The following OR56A3 variants were observed in gnomAD, a reference collection of about 807,000 sequenced individuals.
The protein encoded by OR56A3 is olfactory receptor 56A3.
A neutral mutation model predicts 17.5 loss-of-function variants in OR56A3; 23 were observed. The observed-to-expected ratio is 1.32, with a 90% CI of 0.95 to 1.87. The LOEUF is 1.87. Ranked by LOEUF, OR56A3 falls within the 40% of genes most tolerant of loss-of-function variation. The pLI, the probability that OR56A3 is intolerant of heterozygous loss-of-function variation, is 0.00. For missense variants in OR56A3, 366 were observed against 380.1 expected, an observed-to-expected ratio of 0.96 and a Z score of 0.31; for synonymous variants, 175 against 150.6, an observed-to-expected ratio of 1.16 and a Z score of -1.19.
At chr11:5,944,605 T>C (rs1263222957) in intron 1 of OR56A3, among the ~76,000 whole-genome samples, 1 of 152,196 alleles carries the variant, frequency 6.6e-6, no homozygotes, top group Non-Finnish European at 1.5e-5. Context: ...AGACCTTTAT[T>C]TTCTCCACAG....
Position 5,947,360 on chromosome 11 carries a change from G to A in OR56A3, c.14G>A (p.Arg5Gln), listed in dbSNP as rs372649269. Residue 5 changes from arginine to glutamine, a missense_variant, in exon 3 of 3, where the codon CGA (arginine) becomes CAA (glutamine). By Grantham distance (43) the Arg-to-Gln change is conservative (BLOSUM62 1). Transcript: ENST00000641160. The part of the protein sequence containing the change: MTTH[R>Q]NDTLSTEASD... ...ATATGGGAAAATATGACAACACACC[G>A]AAATGACACCCTCTCCACTGAAGCT... 114 of 1,596,676 alleles carry A rather than the reference G, an allele frequency of 7.1e-5. No individual in the cohort carries two copies. In the Admixed American group the frequency reaches 1.1e-3, roughly 15 times the overall value.
chr11:6,002,068 G>C, the OR56A3 span: 1 of 1,591,954 alleles, frequency 6.3e-7, no homozygotes, highest in Admixed American at 1.8e-5. Context: ...CTCTTCAGCA[G>C]GTTTTGGATT....
chr11:6,014,613 A>G, the OR56A3 span, among the ~76,000 whole-genome samples: 1 of 152,160 alleles, frequency 6.6e-6, no homozygotes, highest in Non-Finnish European at 1.5e-5. Flanking sequence ...TGATAAAGAT[A>G]CCTGAAAATG....
the OR56A3 span, among the ~76,000 whole-genome samples, chr11:5,992,467 C>A: frequency 6.6e-6 from 1 of 152,154 alleles, no homozygotes; most frequent in Non-Finnish European, 1.5e-5. Context: ...CATTTTGCTC[C>A]TCTCACTCCC....
chr11:6,002,965 C>T, the OR56A3 span: 3 of 1,613,822 alleles, frequency 1.9e-6, no homozygotes, highest in Non-Finnish European at 2.5e-6. Flanking sequence ...GAGACTGGGG[C>T]AGTGGAGTCA....
the OR56A3 span, among the ~76,000 whole-genome samples, chr11:5,990,781 C>T: frequency 6.6e-6 from 1 of 152,140 alleles, no homozygotes; most frequent in African/African-American, 2.4e-5. Context: ...TGGCACAGGG[C>T]ACTGTCCTTC....
At chr11:6,010,984 T>C in the OR56A3 span, among the ~76,000 whole-genome samples, 2 of 152,122 alleles carry the variant, frequency 1.3e-5, no homozygotes, top group South Asian at 2.1e-4. Context: ...TTTCTGTATG[T>C]GTATAACCAC....
the OR56A3 span, among the ~76,000 whole-genome samples, chr11:5,991,181 T>A: frequency 6.6e-6 from 1 of 152,170 alleles, no homozygotes; most frequent in Non-Finnish European, 1.5e-5. Context: ...TGGCAAGACT[T>A]GAGTAAAGGT....
At chr11:5,991,607 A>T in the OR56A3 span, among the ~76,000 whole-genome samples, 1 of 152,156 alleles carries the variant, frequency 6.6e-6, no homozygotes, top group Non-Finnish European at 1.5e-5. Flanking sequence ...TGGGAGAGCC[A>T]CACTACACAA....
the OR56A3 span, among the ~76,000 whole-genome samples, chr11:5,993,088 G>T: frequency 6.6e-6 from 1 of 152,270 alleles, no homozygotes; most frequent in Non-Finnish European, 1.5e-5. Flanking sequence ...GAGGTGTGGG[G>T]ATAGGATGAG....
the OR56A3 span, among the ~76,000 whole-genome samples, chr11:6,015,011 A>AAAAAAAAAAAAAAAAAAAG: frequency 1.3e-5 from 2 of 150,660 alleles, no homozygotes; most frequent in Non-Finnish European, 3.0e-5. Context: ...AAAAAAAAAA[A>AAAAAAAAAAAAAAAAAAAG]AAAATGACCT....
the OR56A3 span, among the ~76,000 whole-genome samples, chr11:5,971,242 A>G: frequency 6.6e-6 from 1 of 152,210 alleles, no homozygotes; most frequent in African/African-American, 2.4e-5. Context: ...ACTACCTTGT[A>G]TTTCCTCCAA....
rs2134365805 is a variant in OR56A3 at position 5,951,116 on chromosome 11, G to A, written c.*2822G>A. ...AAGGTGAGAAGATTTATTTTTAAAA[G>A]AAGTTTTAGTTACTGGGTTTTTAAG... On this transcript the variant is annotated 3_prime_UTR_variant, in exon 3 of 3. Transcript: ENST00000641160. 1 of 152,152 alleles carries A rather than the reference G, an allele frequency of 6.6e-6. No homozygotes were observed. Among genetic ancestry groups the A allele is most frequent in the African/African-American group, 2.4e-5 (1 of 41,556 alleles). 9.4% of individuals were successfully genotyped at this position (152,152 alleles called of 1,614,324 possible).
the OR56A3 span, among the ~76,000 whole-genome samples, chr11:5,961,591 C>CCCAGGG: frequency 2.0e-5 from 3 of 152,148 alleles, no homozygotes; most frequent in East Asian, 5.8e-4. Context: ...ATCTCAACTA[C>CCCAGGG]CCAGGGACAC....
At chr11:5,953,042 T>C (rs1564800897), downstream of OR56A3, among the ~76,000 whole-genome samples, 1 of 152,218 alleles carries the variant, frequency 6.6e-6, no homozygotes, top group Non-Finnish European at 1.5e-5. Flanking sequence ...ATTGTCTTTA[T>C]CCAGTCCACC....
chr11:5,982,882 GGC>G, the OR56A3 span, among the ~76,000 whole-genome samples: 1 of 152,136 alleles, frequency 6.6e-6, no homozygotes, highest in Admixed American at 6.5e-5. Context: ...AGCCACTCAA[GGC>G]CAGAAATGAG....
At chr11:5,974,441 G>A in the OR56A3 span, among the ~76,000 whole-genome samples, 6 of 152,088 alleles carry the variant, frequency 3.9e-5, no homozygotes, top group Non-Finnish European at 7.4e-5. Flanking sequence ...TCCTTTTCCT[G>A]TACTGTCTGT....
chr11:6,010,354 G>T, the OR56A3 span, among the ~76,000 whole-genome samples: 4 of 151,918 alleles, frequency 2.6e-5, no homozygotes, highest in Admixed American at 6.6e-5. Flanking sequence ...CTCTTCAAAA[G>T]GTACATTGAA....
the OR56A3 span, chr11:5,986,003 A>T: frequency 6.2e-7 from 1 of 1,612,676 alleles, no homozygotes; most frequent in Admixed American, 1.7e-5. Context: ...TTCACTCCAT[A>T]GACAAGAGGA....
Sources: allele counts gnomAD v4.1 joint callset (sites outside exome capture counted in the v4.1 genomes callset), GRCh38; gene constraint gnomAD v4.1.1; transcripts MANE v1.5; gene names NCBI Gene and HGNC (gene_info 2026-07-23, HGNC 2026-07-21).